The following RSRC1 variants were observed in gnomAD, a reference collection of about 807,000 sequenced individuals.
RSRC1 encodes arginine and serine rich coiled-coil 1, also known as serine/Arginine-related protein 53.
A neutral mutation model predicts 49.1 loss-of-function variants in RSRC1; 39 were observed. The observed-to-expected ratio is 0.79, with a 90% CI of 0.61 to 1.04. The LOEUF (loss-of-function observed/expected upper bound fraction) is 1.04, where lower values mean the gene tolerates loss of function less well. Among genes scored for constraint, RSRC1 ranks in the 50% least tolerant of loss-of-function variants. The pLI is 0.00. For synonymous variants in RSRC1, 143 were observed against 130.8 expected (o/e 1.09, Z -0.63); for missense variants, 388 against 402.4 (o/e 0.96, Z 0.31).
intron 6 of RSRC1, among the ~76,000 whole-genome samples, chr3:158,374,567 T>C (rs183365797): frequency 2.0e-5 from 3 of 152,260 alleles, no homozygotes; most frequent in Admixed American, 2.0e-4. Context: ...GATGGGAAAT[T>C]TATACATACA....
rs74878454 is a variant in RSRC1, at chr3:158,468,623, T to C, written c.652+7620T>C. Among the ~76,000 whole-genome samples, 28 of 152,304 alleles carry C rather than the reference T, an allele frequency of 1.8e-4. No individual in the cohort carries two copies. In the East Asian group the frequency reaches 3.1e-3, roughly 17 times the overall value. Reference sequence around the variant, plus strand: ...GAGGCTAATGAAAATATTTGCTCACTGGAGTGAATGTAAAGCACTTAGAAT... The same window carrying C: ...GAGGCTAATGAAAATATTTGCTCACCGGAGTGAATGTAAAGCACTTAGAAT... On this transcript the variant is annotated intron_variant, in intron 7 of 9. Coordinates refer to ENST00000611884, the MANE Select transcript of RSRC1 (RefSeq NM_001271838.2).
At chr3:158,134,743 A>G (rs1181617961) in intron 3 of RSRC1, among the ~76,000 whole-genome samples, 4 of 152,198 alleles carry the variant, frequency 2.6e-5, no homozygotes, top group Non-Finnish European at 5.9e-5. Flanking sequence ...TAAGAGTTCT[A>G]TATCTAACAC....
chr3:158,230,819 C>T (rs1035277785), intron 4 of RSRC1, among the ~76,000 whole-genome samples: 1 of 151,886 alleles, frequency 6.6e-6, no homozygotes, highest in Non-Finnish European at 1.5e-5. Context: ...TATTTGTATA[C>T]TCCTCTTAGA....
In RSRC1 at chr3:158,357,617, A is replaced by T. The variant is rs140566531; in HGVS notation, c.583+2709A>T. Among the ~76,000 whole-genome samples, 1,182 of 152,176 alleles carry T rather than the reference A, an allele frequency of 7.8e-3. 11 individuals are homozygous for T. The highest frequency in any genetic ancestry group is 0.01 in the Admixed American group (154 of 15,282). ...CAAGATTCTAGTTGTCTTTTTGGTG[A>T]TGAATTTTAAGGTGTTCATTATATT... On this transcript the variant is annotated intron_variant, in intron 6 of 9. Transcript: ENST00000611884.
At chr3:158,422,664 A>G (rs1735146890) in intron 6 of RSRC1, among the ~76,000 whole-genome samples, 1 of 150,956 alleles carries the variant, frequency 6.6e-6, no homozygotes, top group Admixed American at 6.6e-5. Context: ...GACTTCCACA[A>G]TGGTTGAACT....
intron 3 of RSRC1, among the ~76,000 whole-genome samples, chr3:158,193,449 T>G (rs73166305): frequency 0.12 from 18,365 of 152,088 alleles, 1,376 homozygotes; most frequent in Middle Eastern, 0.2. Context: ...TAGAATTTTA[T>G]TAATGTTTAA....
chr3:158,277,587 A>G (rs1009512181), intron 4 of RSRC1, among the ~76,000 whole-genome samples: 3 of 152,018 alleles, frequency 2.0e-5, no homozygotes, highest in Non-Finnish European at 4.4e-5. Flanking sequence ...CAAAAAACAT[A>G]CTCCTTGAAA....
At chr3:158,510,752 T>C (rs529434743) in intron 7 of RSRC1, among the ~76,000 whole-genome samples, 1 of 152,340 alleles carries the variant, frequency 6.6e-6, no homozygotes, top group Non-Finnish European at 1.5e-5. Flanking sequence ...TTATTCATCC[T>C]TTCTAACTGT....
At chr3:158,528,834 A>T (rs967370125) in intron 7 of RSRC1, among the ~76,000 whole-genome samples, 1 of 152,056 alleles carries the variant, frequency 6.6e-6, no homozygotes, top group East Asian at 1.9e-4. Flanking sequence ...TTGACTATCA[A>T]TGTTGATTAC....
chr3:158,447,492 T>A (rs1214615152), intron 6 of RSRC1, among the ~76,000 whole-genome samples: 1 of 152,042 alleles, frequency 6.6e-6, no homozygotes, highest in Non-Finnish European at 1.5e-5. Flanking sequence ...AGATTTGTTT[T>A]ATATGTTATT....
chr3:158,148,322 T>C (rs1257806978), intron 3 of RSRC1, among the ~76,000 whole-genome samples: 2 of 151,686 alleles, frequency 1.3e-5, no homozygotes, highest in Non-Finnish European at 1.5e-5. Context: ...CCTCATAAAA[T>C]GTGCAAGATC....
At chr3:158,411,793 T>A (rs1044368434) in intron 6 of RSRC1, among the ~76,000 whole-genome samples, 7 of 152,098 alleles carry the variant, frequency 4.6e-5, no homozygotes, top group African/African-American at 1.7e-4. Context: ...GTTTAGGCCA[T>A]TTTAGTGTTT....
At chr3:158,507,296 A>G (rs924581655) in intron 7 of RSRC1, among the ~76,000 whole-genome samples, 34 of 152,136 alleles carry the variant, frequency 2.2e-4, no homozygotes, top group Non-Finnish European at 4.4e-5. Context: ...GATGGAAGAA[A>G]TAAGTTTTAG....
At chr3:158,275,631 A>G (rs1439771506) in intron 4 of RSRC1, among the ~76,000 whole-genome samples, 1 of 152,244 alleles carries the variant, frequency 6.6e-6, no homozygotes, top group Non-Finnish European at 1.5e-5. Flanking sequence ...AGTTTATCCT[A>G]TTAGAAACAA....
intron 3 of RSRC1, among the ~76,000 whole-genome samples, chr3:158,141,775 A>G (rs1716762762): frequency 6.6e-6 from 1 of 152,198 alleles, no homozygotes; most frequent in South Asian, 2.1e-4. Context: ...TTGCAATCTC[A>G]TTAAAAGATT....
At chr3:158,285,576 G>A (rs1296000430) in intron 4 of RSRC1, among the ~76,000 whole-genome samples, 1 of 152,032 alleles carries the variant, frequency 6.6e-6, no homozygotes, top group Non-Finnish European at 1.5e-5. Context: ...ATTGAGCAGT[G>A]GTTTGTAGTT....
intron 6 of RSRC1, among the ~76,000 whole-genome samples, chr3:158,394,271 C>G (rs572706495): frequency 1.3e-5 from 2 of 152,158 alleles, no homozygotes; most frequent in Non-Finnish European, 2.9e-5. Context: ...TCTCACTACT[C>G]CTTTTCAACA....
intron 4 of RSRC1, among the ~76,000 whole-genome samples, chr3:158,294,355 A>G (rs909677358): frequency 1.6e-4 from 24 of 152,058 alleles, no homozygotes; most frequent in African/African-American, 5.8e-4. Flanking sequence ...CCACTATCAT[A>G]TATTGGTTCT....
chr3:158,452,716 C>A (rs1311703381), intron 6 of RSRC1, among the ~76,000 whole-genome samples: 1 of 152,164 alleles, frequency 6.6e-6, no homozygotes, highest in Non-Finnish European at 1.5e-5. Context: ...TAGAACATTT[C>A]TTGCTTGGCC....
Sources: allele counts gnomAD v4.1 joint callset (sites outside exome capture counted in the v4.1 genomes callset), GRCh38; gene constraint gnomAD v4.1.1; transcripts MANE v1.5; gene names NCBI Gene and HGNC (gene_info 2026-07-23, HGNC 2026-07-21).